PELI2: variants seen among roughly 807,000 people sequenced by gnomAD.
PELI2 encodes E3 ubiquitin-protein ligase pellino homolog 2.
A neutral mutation model predicts 42.3 loss-of-function variants in PELI2; 23 were observed. That is an observed-to-expected ratio of 0.54 (90% CI 0.39 to 0.77). The LOEUF (loss-of-function observed/expected upper bound fraction) is 0.77. Ranked by LOEUF, PELI2 falls within the 30% of genes least tolerant of loss-of-function variation. The pLI, the probability that PELI2 is intolerant of heterozygous loss-of-function variation, is 0.00. For synonymous variants in PELI2, 245 were observed against 212.2 expected (o/e 1.15, Z -1.34); for missense variants, 463 against 553.2 (o/e 0.84, Z 1.64).
chr14:56,212,494 G>C (rs971195094), intron 2 of PELI2, among the ~76,000 whole-genome samples: 6 of 152,162 alleles, frequency 3.9e-5, no homozygotes, highest in African/African-American at 1.4e-4. Flanking sequence ...GAGAGGATCT[G>C]TGCCTGGGAC....
At chr14:56,195,044 A>G (rs1245425960) in intron 2 of PELI2, among the ~76,000 whole-genome samples, 1 of 152,210 alleles carries the variant, frequency 6.6e-6, no homozygotes, top group African/African-American at 2.4e-5. Flanking sequence ...TAAAACTGTA[A>G]ACTAGATGCT....
Position 56,277,805 on chromosome 14 carries a change from A to G in PELI2, c.208-1871A>G, listed in dbSNP as rs542343694. On this transcript the variant is annotated intron_variant, in intron 2 of 5. Coordinates refer to ENST00000267460, the MANE Select transcript of PELI2 (RefSeq NM_021255.3). Reference sequence around the variant, plus strand: ...AATAAAAAACAAAATTTATAATTTAAGGTAAGCTGTTTTAAGCATGAGCAA... The same window carrying G: ...AATAAAAAACAAAATTTATAATTTAGGGTAAGCTGTTTTAAGCATGAGCAA... Among the ~76,000 whole-genome samples, 64 of 152,322 alleles carry G rather than the reference A, an allele frequency of 4.2e-4. 4 individuals carry two copies. In the South Asian group the frequency reaches 9.1e-3, roughly 22 times the overall value.
At position 56,288,803 on chromosome 14, in the gene PELI2, C is replaced by T. The variant is rs577312511; in HGVS notation, c.507+169C>T. On this transcript the variant is annotated intron_variant, in intron 4 of 5. Coordinates refer to ENST00000267460, the MANE Select transcript of PELI2 (RefSeq NM_021255.3). The surrounding 1 kb of genome is among the most constrained non-coding windows in gnomAD (Gnocchi z 4.6). ...AGAAACTTGTTATTAAAAATCTGAA[C>T]ATTAATAAGCATTGCTTGTTATTCA... Among the ~76,000 whole-genome samples, 4 of 152,014 alleles carry T rather than the reference C, an allele frequency of 2.6e-5. No individual in the cohort carries two copies. Among genetic ancestry groups the T allele is most frequent in the Non-Finnish European group, 5.9e-5 (4 of 68,018 alleles).
chr14:56,291,550 A>C (rs887001487), intron 5 of PELI2, among the ~76,000 whole-genome samples: 6 of 152,232 alleles, frequency 3.9e-5, no homozygotes, highest in Non-Finnish European at 7.3e-5. Context: ...TTTTGTATGA[A>C]TGTTTTCAAG....
intron 2 of PELI2, among the ~76,000 whole-genome samples, chr14:56,240,468 A>G (rs1887933263): frequency 6.6e-6 from 1 of 152,196 alleles, no homozygotes; most frequent in Non-Finnish European, 1.5e-5. Context: ...GATGTTAGCA[A>G]GAATAGTTTC....
intron 2 of PELI2, among the ~76,000 whole-genome samples, chr14:56,220,201 C>T (rs574633230): frequency 6.6e-6 from 1 of 152,114 alleles, no homozygotes; most frequent in East Asian, 1.9e-4. Context: ...GTTGCCAGTG[C>T]CCAGGTGACT....
chr14:56,242,543 T>G (rs1374698411), intron 2 of PELI2, among the ~76,000 whole-genome samples: 2 of 152,204 alleles, frequency 1.3e-5, no homozygotes, highest in African/African-American at 4.8e-5. Context: ...AAAAAGACAC[T>G]TGCACATGCA....
chr14:56,224,535 G>A (rs1887270144), intron 2 of PELI2, among the ~76,000 whole-genome samples: 2 of 152,190 alleles, frequency 1.3e-5, no homozygotes, highest in Admixed American at 1.3e-4. Flanking sequence ...GTTCAGTAGG[G>A]ATAGAATTCT....
intron 1 of PELI2, among the ~76,000 whole-genome samples, chr14:56,155,706 T>A (rs1884537402): frequency 6.6e-6 from 1 of 152,010 alleles, no homozygotes; most frequent in African/African-American, 2.4e-5. Flanking sequence ...CTCAGCTTCC[T>A]GAGTAGCTGG....
rs781477638 is a variant in PELI2 at position 56,118,634 on chromosome 14, GCGGCGT to G, written c.-21_-16del. 64 of 1,352,122 alleles carry G rather than the reference GCGGCGT, an allele frequency of 4.7e-5. No individual in the cohort carries two copies. The highest frequency in any genetic ancestry group is 3.5e-5 in the Admixed American group (1 of 28,420). 83.8% of individuals were successfully genotyped at this position (1,352,122 alleles called of 1,614,324 possible). A position where few individuals can be genotyped will look rare whatever the true frequency, so the allele number is the denominator to read the frequency against. On this transcript the variant is annotated 5_prime_UTR_variant, in exon 1 of 6. Transcript: ENST00000267460. ...CGCGGCGGAGGCGGCGGCGTCGGCG[GCGGCGT>G]CGGCGGCCGAGCGGGGCTCCATGTT...
chr14:56,279,170 TATC>T (rs1308063782), intron 2 of PELI2, among the ~76,000 whole-genome samples: 1 of 152,192 alleles, frequency 6.6e-6, no homozygotes, highest in African/African-American at 2.4e-5. Context: ...CAAATATGGT[TATC>T]ATTGGCTAGG....
Position 56,128,533 on chromosome 14 carries a change from T to G in PELI2, c.77+9796T>G, listed in dbSNP as rs181981896. Among the ~76,000 whole-genome samples, 5 of 152,228 alleles carry G rather than the reference T, an allele frequency of 3.3e-5. No individual in the cohort carries two copies. The East Asian group carries it at 7.8e-4, about 24-fold the overall frequency. Reference sequence around the variant, plus strand: ...GGGTGAAGGTGAGAGGCATGTGTATTGCTGGGAGATTGGGAAAGATTTCCT... The same window carrying G: ...GGGTGAAGGTGAGAGGCATGTGTATGGCTGGGAGATTGGGAAAGATTTCCT... On this transcript the variant is annotated intron_variant, in intron 1 of 5. Transcript: ENST00000267460.
In PELI2 at chr14:56,269,449, GAA is replaced by G. The variant is rs10718139; in HGVS notation, c.208-10218_208-10217del. 2.0e-4 allele frequency among the ~76,000 whole-genome samples: 29 copies of G among 146,822 alleles called. No individual in the cohort carries two copies. The South Asian group carries it at 2.1e-3, about 11-fold the overall frequency. ...CAGAGTGAGACCCTGTCTCAAAAAA[GAA>G]AAAAAAAATAGATTGCACATTAGGT... On this transcript the variant is annotated intron_variant, in intron 2 of 5. Coordinates refer to ENST00000267460, the MANE Select transcript of PELI2 (RefSeq NM_021255.3).
At chr14:56,142,033 C>T (rs549266544) in intron 1 of PELI2, among the ~76,000 whole-genome samples, 1 of 152,220 alleles carries the variant, frequency 6.6e-6, no homozygotes, top group East Asian at 1.9e-4. Context: ...TGGCAGTGGT[C>T]TCTAAGTTAC....
At chr14:56,155,334 A>G (rs1018216550) in intron 1 of PELI2, among the ~76,000 whole-genome samples, 2 of 151,366 alleles carry the variant, frequency 1.3e-5, no homozygotes, top group African/African-American at 2.4e-5. Context: ...ATTTTATTTT[A>G]TGACTGTTCA....
intron 2 of PELI2, among the ~76,000 whole-genome samples, chr14:56,270,175 A>C (rs999704572): frequency 6.6e-6 from 1 of 152,196 alleles, no homozygotes; most frequent in Admixed American, 6.5e-5. Context: ...GGCCGAGTTC[A>C]ACGCTATTGC....
chr14:56,268,111 A>T (rs1888971845), intron 2 of PELI2, among the ~76,000 whole-genome samples: 1 of 152,228 alleles, frequency 6.6e-6, no homozygotes, highest in African/African-American at 2.4e-5. Flanking sequence ...ATGCCTATGT[A>T]CTTTTTCTCC....
intron 1 of PELI2, among the ~76,000 whole-genome samples, chr14:56,154,973 A>T (rs770672853): frequency 6.6e-6 from 1 of 152,136 alleles, no homozygotes; most frequent in Non-Finnish European, 1.5e-5. Flanking sequence ...TTTGATTACT[A>T]ATTGGATTTA....
intron 3 of PELI2, among the ~76,000 whole-genome samples, chr14:56,282,613 T>C (rs1454222804): frequency 1.3e-5 from 2 of 151,900 alleles, no homozygotes; most frequent in Non-Finnish European, 2.9e-5. Context: ...ATAAAATATA[T>C]AGTCATATTT....
Sources: allele counts gnomAD v4.1 joint callset (sites outside exome capture counted in the v4.1 genomes callset), GRCh38; gene constraint gnomAD v4.1.1; non-coding constraint Gnocchi (gnomAD v3.1); transcripts MANE v1.5; gene names NCBI Gene and HGNC (gene_info 2026-07-23, HGNC 2026-07-21).